PPIF: variants seen among roughly 807,000 people sequenced by gnomAD.
PPIF encodes peptidylprolyl isomerase F.
In PPIF, 23 loss-of-function variants were observed where a neutral mutation model predicts 20.2. The observed-to-expected ratio is 1.14, with a 90% confidence interval of 0.82 to 1.61. The LOEUF is 1.61. PPIF is among the 40% of genes most tolerant of loss of function. The probability of loss-of-function intolerance (pLI) is 0.00; values close to 1 mark genes in which losing one functional copy is unlikely to be tolerated. For synonymous variants in PPIF, 113 were observed against 123.1 expected, an observed-to-expected ratio of 0.92 and a Z score of 0.54; for missense variants, 287 against 291.6, an observed-to-expected ratio of 0.98 and a Z score of 0.11.
chr10:79,351,595 C>T lies in PPIF; in HGVS notation c.412+12C>T, dbSNP rs1184118301. On this transcript the variant is annotated intron_variant, in intron 4 of 5. Coordinates refer to ENST00000225174, the MANE Select transcript of PPIF (RefSeq NM_005729.4). ...GCACGTGGGGCCAGGTGAGTGGGGG[C>T]CTCCTCTAGGGTGAGTGTCCCCACA... The T allele has an allele frequency of 6.2e-7, 1 of 1,610,948 alleles. No individual in the cohort carries two copies. The highest frequency in any genetic ancestry group is 8.5e-7 in the Non-Finnish European group (1 of 1,177,202).
At chr10:79,347,808 G>C in intron 1 of PPIF, 65 bp downstream of exon 1, 1 of 1,245,220 alleles carries the variant, frequency 8.0e-7, no homozygotes, top group Non-Finnish European at 1.0e-6. Flanking sequence ...CTGGGCCCCG[G>C]GCGGCGCGGT....
Position 79,354,299 on chromosome 10 carries a change from T to G in PPIF, c.*457T>G. On this transcript the variant is annotated 3_prime_UTR_variant, in exon 6 of 6. Transcript: ENST00000225174. ...TAGAAGTGAAACTGCAACACTAACTTCCCCGTGCTGTGGTGTGACCTGAGT... is the reference window on the plus strand; with the variant it reads ...TAGAAGTGAAACTGCAACACTAACTGCCCCGTGCTGTGGTGTGACCTGAGT... 1 of 170,846 alleles carries G rather than the reference T, an allele frequency of 5.9e-6. No individual in the cohort carries two copies. The highest frequency in any genetic ancestry group is 1.7e-4 in the East Asian group (1 of 5,932). The allele number at this position is 170,846 out of a possible 1,614,324, so 10.6% of individuals were successfully genotyped here.
chr10:79,352,192 T>C, intron 4 of PPIF, 125 bp from the exon 5 acceptor site: 1 of 837,210 alleles, frequency 1.2e-6, no homozygotes, highest in South Asian at 1.6e-5. Context: ...GGTTCTCCTC[T>C]TCTGGGTCCC....
intron 3 of PPIF, among the ~76,000 whole-genome samples, chr10:79,350,988 ACT>A (rs1453239764): frequency 6.6e-6 from 1 of 152,014 alleles, no homozygotes; most frequent in African/African-American, 2.4e-5. Flanking sequence ...CCTTGGGCAG[ACT>A]CTGTCCTGGG....
chr10:79,347,772 C>G, intron 1 of PPIF, 29 bp downstream of exon 1: 1 of 1,289,494 alleles, frequency 7.8e-7, no homozygotes, highest in African/African-American at 1.5e-5. Context: ...CCGGCCTGGG[C>G]GCGGGACACG....
At chr10:79,349,415 A>G (rs1173567770) in intron 2 of PPIF, among the ~76,000 whole-genome samples, 1 of 152,204 alleles carries the variant, frequency 6.6e-6, no homozygotes, top group East Asian at 1.9e-4. Flanking sequence ...ACAGCCCTTG[A>G]GTCCGTGCCC....
chr10:79,349,689 G>A lies in PPIF; in HGVS notation c.251G>A (p.Gly84Asp). 1 of 1,613,784 alleles carries A rather than the reference G, an allele frequency of 6.2e-7. No individual in the cohort carries two copies. The highest frequency in any genetic ancestry group is 2.2e-5 in the East Asian group (1 of 44,882). ...GAGAACTTCAGAGCCCTGTGCACTG[G>A]TGAGAAGGGCTTCGGCTACAAAGGC... ...TAENFRALCT[G>D]EKGFGYKGST... is the part of the protein sequence containing the mutation. Residue 84 changes from glycine to aspartate, a missense_variant, in exon 3 of 6, where the codon GGT (glycine) becomes GAT (aspartate). Coordinates refer to ENST00000225174, the MANE Select transcript of PPIF (RefSeq NM_005729.4).
intron 4 of PPIF, 184 bp downstream of exon 4, chr10:79,351,767 C>T: frequency 1.8e-6 from 1 of 565,332 alleles, no homozygotes; most frequent in East Asian, 3.1e-5. Context: ...GTTTTCTCAT[C>T]TCTCAGTTTA....
At position 79,351,668 on chromosome 10, in the gene PPIF, C is replaced by A. The variant is rs1287189486; in HGVS notation, c.412+85C>A. ...CCAGCAGGCCCTGAGAGGCCACATG[C>A]AGTCACCGTCCAGTATCTGATGAGT... On this transcript the variant is annotated intron_variant, in intron 4 of 5. Coordinates refer to ENST00000225174, the MANE Select transcript of PPIF (RefSeq NM_005729.4). 8.1e-6 allele frequency: 10 copies of A among 1,233,946 alleles called. No individual in the cohort carries two copies. The East Asian group carries it at 2.4e-4, about 30-fold the overall frequency. 76.4% of individuals were successfully genotyped at this position (1,233,946 alleles called of 1,614,324 possible). A position where few individuals can be genotyped will look rare whatever the true frequency, so the allele number is the denominator to read the frequency against.
At chr10:79,352,292 G>A (rs1189277125) in intron 4 of PPIF, 25 bp from the exon 5 acceptor site, 1 of 1,609,072 alleles carries the variant, frequency 6.2e-7, no homozygotes, top group South Asian at 1.1e-5. Context: ...GGGGCAGCGT[G>A]GCTCAGCCCT....
intron 2 of PPIF, 41 bp from the exon 3 acceptor site, chr10:79,349,624 G>A: frequency 6.2e-7 from 1 of 1,611,104 alleles, no homozygotes; most frequent in African/African-American, 1.3e-5. Flanking sequence ...CCTGGAATTG[G>A]GGCCTGGCCC....
rs1856023508 is a variant in PPIF, at chr10:79,354,456, G to C, written c.*614G>C. On this transcript the variant is annotated 3_prime_UTR_variant, in exon 6 of 6. Transcript: ENST00000225174. ...GTTGGTTTGCTGCTGTCGTTTTTGA[G>C]GAGGGCCCATGGGGGTAGGAGCAGT... The C allele has an allele frequency of 1.3e-5, 2 of 154,162 alleles. No homozygotes were observed. The highest frequency in any genetic ancestry group is 4.8e-5 in the African/African-American group (2 of 41,432). 9.5% of individuals were successfully genotyped at this position (154,162 alleles called of 1,614,324 possible). A position where few individuals can be genotyped will look rare whatever the true frequency, so the allele number is the denominator to read the frequency against.
At chr10:79,352,254 C>G in intron 4 of PPIF, 63 bp from the exon 5 acceptor site, 1 of 1,487,820 alleles carries the variant, frequency 6.7e-7, no homozygotes, top group South Asian at 1.1e-5. Flanking sequence ...TCTGCCCTTT[C>G]AAATGCCCTC....
intron 5 of PPIF, among the ~76,000 whole-genome samples, chr10:79,353,364 T>C (rs1856006287): frequency 6.6e-6 from 1 of 152,264 alleles, no homozygotes; most frequent in Non-Finnish European, 1.5e-5. Context: ...GTTCCATTTG[T>C]ATGGACTTCT....
At chr10:79,349,846 G>C in intron 3 of PPIF, 93 bp downstream of exon 3, 1 of 1,570,550 alleles carries the variant, frequency 6.4e-7, no homozygotes, top group Non-Finnish European at 8.7e-7. Context: ...GTGCTGAGCA[G>C]AGCAGCTGCA....
At chr10:79,351,188 G>A (rs1055090375) in intron 3 of PPIF, among the ~76,000 whole-genome samples, 1 of 152,166 alleles carries the variant, frequency 6.6e-6, no homozygotes, top group Non-Finnish European at 1.5e-5. Flanking sequence ...GGGTCACTAA[G>A]TATCATCTCA....
At chr10:79,352,422 A>G (rs1855995830) in intron 5 of PPIF, 30 bp downstream of exon 5, 24 of 1,597,838 alleles carry the variant, frequency 1.5e-5, no homozygotes, top group Non-Finnish European at 2.1e-5. Flanking sequence ...CCCTCTGGGA[A>G]TGCGGGCAGC....
Position 79,347,740 on chromosome 10 carries a change from G to A in PPIF, c.192G>A (p.Leu64=). ...ANGKPLGRVV[L]ELKADVVPKT... ...GGAAGCCGCTCGGCCGCGTGGTGCT[G>A]GAGGTGAGACCGCTCGCAGGGCCGG... Residue 64 remains leucine, a synonymous_variant, in exon 1 of 6, where the codon CTG becomes CTA. Transcript: ENST00000225174. 2 of 1,390,660 alleles carry A rather than the reference G, an allele frequency of 1.4e-6. No individual in the cohort carries two copies. The highest frequency in any genetic ancestry group is 1.9e-6 in the Non-Finnish European group (2 of 1,064,026). 86.1% of individuals were successfully genotyped at this position (1,390,660 alleles called of 1,614,324 possible).
Position 79,352,385 on chromosome 10 carries a change from A to C in PPIF, c.481A>C (p.Thr161Pro), listed in dbSNP as rs763559312. 20 of 1,613,664 alleles carry C rather than the reference A, an allele frequency of 1.2e-5. No individual in the cohort carries two copies. In the East Asian group the frequency reaches 4.2e-4, roughly 34 times the overall value. ...GSQFFICTIK[T>P]DWLDGKHVVF... ...CCAGTTCTTCATCTGCACCATAAAGACAGACTGGTGAGTTCCCTGCCCCAG... is the reference window on the plus strand; with the variant it reads ...CCAGTTCTTCATCTGCACCATAAAGCCAGACTGGTGAGTTCCCTGCCCCAG... The change falls in exon 5 of 6, where the codon ACA (threonine) becomes CCA (proline). Residue 161 changes from threonine (T) to proline (P), a missense_variant. Transcript: ENST00000225174.
Sources: gnomAD v4.1 joint callset for allele counts (sites outside exome capture counted in the v4.1 genomes callset) on GRCh38, gnomAD v4.1.1 for gene constraint, MANE v1.5 for transcripts, NCBI Gene and HGNC (gene_info 2026-07-23, HGNC 2026-07-21) for gene names.